Variants in STAT1 observed in about 807,000 individuals in gnomAD.
The protein encoded by STAT1 is signal transducer and activator of transcription 1-alpha/beta.
A neutral mutation model predicts 111.7 loss-of-function variants in STAT1; 24 were observed. The ratio of observed to expected loss-of-function variants is 0.21; its 90% CI spans 0.16 to 0.30. STAT1 has a LOEUF of 0.30. Among genes scored for constraint, STAT1 ranks in the 10% least tolerant of loss-of-function variants. STAT1 has a pLI of 1.00. For missense variants in STAT1, 351 were observed against 911.9 expected (o/e 0.38, Z 7.92); for synonymous variants, 332 against 326.5 (o/e 1.02, Z -0.18).
chr2:190,993,560 C>A lies in STAT1; in HGVS notation c.944+1501G>T. ...ATAAATAATCAATTTGGGATTCATG[C>A]TGGACATGTCACTGTAGCTGCCACC... On this transcript the variant is annotated intron_variant, in intron 10 of 24. Coordinates refer to ENST00000361099, the MANE Select transcript of STAT1 (RefSeq NM_007315.4). The surrounding 1 kb of genome is among the most constrained non-coding windows in gnomAD (Gnocchi z 4.1). 1.6e-6 allele frequency: 1 copy of A among 635,268 alleles called. No homozygotes were observed. The allele number at this position is 635,268 out of a possible 1,614,324, so 39.4% of individuals were successfully genotyped here. A position where few individuals can be genotyped will look rare whatever the true frequency, so the allele number is the denominator to read the frequency against.
At chr2:191,009,171 CA>C in intron 3 of STAT1, 64 bp from the exon 4 acceptor site, 2 of 1,558,710 alleles carry the variant, frequency 1.3e-6, no homozygotes, top group Non-Finnish European at 1.8e-6. Flanking sequence ...ACAGACAAAA[CA>C]AATGTTGGTT....
rs1028708006 is a variant in STAT1 at position 190,982,122 on chromosome 2, A to T, written c.1582+261T>A. 6.6e-6 allele frequency among the ~76,000 whole-genome samples: 1 copy of T among 152,258 alleles called. No homozygotes were observed. The highest frequency in any genetic ancestry group is 1.5e-5 in the Non-Finnish European group (1 of 68,050). The stretch of plus-strand genomic sequence containing the variant: ...AAATAATATATTTTACATAATTCAT[A>T]AAACTTTCCCTTGGGAATTCATCTC... On this transcript the variant is annotated intron_variant, in intron 18 of 24. Coordinates refer to ENST00000361099, the MANE Select transcript of STAT1 (RefSeq NM_007315.4). This position sits in a 1 kb window ranked among gnomAD's most constrained non-coding sequence, Gnocchi z 7.3.
rs1410883950 is a variant in STAT1, at chr2:190,987,086, A to G, written c.1098-18T>C. 1.3e-6 allele frequency: 2 copies of G among 1,571,100 alleles called. No homozygotes were observed. Among genetic ancestry groups the G allele is most frequent in the South Asian group, 1.1e-5 (1 of 90,104 alleles). On this transcript the variant is annotated intron_variant, in intron 12 of 24. Coordinates refer to ENST00000361099, the MANE Select transcript of STAT1 (RefSeq NM_007315.4). This position sits in a 1 kb window ranked among gnomAD's most constrained non-coding sequence, Gnocchi z 4.0. ...TCACATCTCTGCAAAAAAAATATAT[A>G]TAATCACATATGCGTATTTAAAATT...
Position 190,983,960 on chromosome 2 carries a change from ATAAT to A in STAT1, c.1348-224_1348-221del, listed in dbSNP as rs1257780862. Among the ~76,000 whole-genome samples the A allele has an allele frequency of 3.3e-5, 5 of 152,228 alleles. No homozygotes were observed. Among genetic ancestry groups the A allele is most frequent in the Non-Finnish European group, 4.4e-5 (3 of 68,040 alleles). On this transcript the variant is annotated intron_variant, in intron 16 of 24. Coordinates refer to ENST00000361099, the MANE Select transcript of STAT1 (RefSeq NM_007315.4). This position sits in a 1 kb window ranked among gnomAD's most constrained non-coding sequence, Gnocchi z 5.7. ...GTCCCTAAAAATAATAATAGCTACAATAATTAATTAAGGGATATGCAATATGAGA... is the reference window on the plus strand; with the variant it reads ...GTCCCTAAAAATAATAATAGCTACAATAATTAAGGGATATGCAATATGAGA...
At position 190,996,308 on chromosome 2, in the gene STAT1, T is replaced by A. The variant is rs45476092; in HGVS notation, c.786-1089A>T. On this transcript the variant is annotated intron_variant, in intron 9 of 24. Transcript: ENST00000361099. The surrounding 1 kb of genome is among the most constrained non-coding windows in gnomAD (Gnocchi z 4.5). ...AACCTTTTAAAAGTGTCTTCTTCCC[T>A]GGGAAAAGTATCTACTTCACTTTCT... 3.7e-4 allele frequency among the ~76,000 whole-genome samples: 56 copies of A among 152,206 alleles called. 1 individual carries two copies. The highest frequency in any genetic ancestry group is 7.9e-4 in the Non-Finnish European group (54 of 68,028).
At position 190,993,638 on chromosome 2, in the gene STAT1, C is replaced by G. The variant is rs770905993; in HGVS notation, c.944+1423G>C. 1 of 553,658 alleles carries G rather than the reference C, an allele frequency of 1.8e-6. No individual in the cohort carries two copies. The highest frequency in any genetic ancestry group is 1.9e-5 in the African/African-American group (1 of 52,954). The allele number at this position is 553,658 out of a possible 1,614,324, so 34.3% of individuals were successfully genotyped here. A position where few individuals can be genotyped will look rare whatever the true frequency, so the allele number is the denominator to read the frequency against. On this transcript the variant is annotated intron_variant, in intron 10 of 24. Transcript: ENST00000361099. The surrounding 1 kb of genome is among the most constrained non-coding windows in gnomAD (Gnocchi z 4.1). ...GCTGCTGCCCTGACTCTCTGCACCA[C>G]GGGTAACTGAAGGAAAGGAATGAGA...
rs1691879854 is a variant in STAT1, at chr2:190,975,996, C to A, written c.2060-109G>T. 2 of 990,828 alleles carry A rather than the reference C, an allele frequency of 2.0e-6. No individual in the cohort carries two copies. Among genetic ancestry groups the A allele is most frequent in the Admixed American group, 4.0e-5 (2 of 50,540 alleles). 61.4% of individuals were successfully genotyped at this position (990,828 alleles called of 1,614,324 possible). On this transcript the variant is annotated intron_variant, in intron 22 of 24. Coordinates refer to ENST00000361099, the MANE Select transcript of STAT1 (RefSeq NM_007315.4). This position sits in a 1 kb window ranked among gnomAD's most constrained non-coding sequence, Gnocchi z 5.9. ...TCTACTGTGTTTCTAGACAGCTTAG[C>A]CTCCTAAAACTTTAAGGAGCTATAA...
In STAT1 at chr2:190,970,333, A is replaced by G. The variant is rs1691357627; in HGVS notation, c.*370T>C. 3.2e-6 allele frequency: 1 copy of G among 307,882 alleles called. No individual in the cohort carries two copies. Among genetic ancestry groups the G allele is most frequent in the Non-Finnish European group, 6.3e-6 (1 of 158,752 alleles). The allele number at this position is 307,882 out of a possible 1,614,324, so 19.1% of individuals were successfully genotyped here. ...TCCCTAAATAACCACTGATTTATCC[A>G]ACAACCTATAACAGTTGGGCACTGA... is the stretch of plus-strand genomic sequence containing the variant. On this transcript the variant is annotated 3_prime_UTR_variant, in exon 25 of 25. Coordinates refer to ENST00000361099, the MANE Select transcript of STAT1 (RefSeq NM_007315.4). This position sits in a 1 kb window ranked among gnomAD's most constrained non-coding sequence, Gnocchi z 5.4.
At position 190,973,722 on chromosome 2, in the gene STAT1, C is replaced by T. The variant is rs974110042; in HGVS notation, c.2238+1108G>A. Among the ~76,000 whole-genome samples the T allele has an allele frequency of 2.0e-5, 3 of 152,142 alleles. No homozygotes were observed. Among genetic ancestry groups the T allele is most frequent in the Middle Eastern group, 3.2e-3 (1 of 316 alleles). On this transcript the variant is annotated intron_variant, in intron 24 of 24. Transcript: ENST00000361099. This position sits in a 1 kb window ranked among gnomAD's most constrained non-coding sequence, Gnocchi z 4.4. ...CTTGCCAATAGGAATGAAACTATTT[C>T]GCTGCCACAATAGCTAACTGTTTTT...
rs1694410328 is a variant in STAT1, at chr2:191,003,202, T to C, written c.373-2039A>G. Among the ~76,000 whole-genome samples, 1 of 152,236 alleles carries C rather than the reference T, an allele frequency of 6.6e-6. No individual in the cohort carries two copies. The highest frequency in any genetic ancestry group is 2.1e-4 in the South Asian group (1 of 4,830). On this transcript the variant is annotated intron_variant, in intron 5 of 24. Coordinates refer to ENST00000361099, the MANE Select transcript of STAT1 (RefSeq NM_007315.4). This position sits in a 1 kb window ranked among gnomAD's most constrained non-coding sequence, Gnocchi z 4.0. ...GCAGAAGTTCAAAGCATGTGAATTG[T>C]ATCAGCTGTAAAGTGTGTATTAGAA... is the stretch of plus-strand genomic sequence containing the variant.
intron 10 of STAT1, 149 bp from the exon 11 acceptor site, chr2:190,991,469 A>C: frequency 1.3e-6 from 1 of 758,322 alleles, no homozygotes; most frequent in Non-Finnish European, 2.3e-6. Context: ...GAACAAAGTG[A>C]TATTTTCTAA....
chr2:190,992,625 G>C, intron 10 of STAT1: 2 of 1,105,010 alleles, frequency 1.8e-6, no homozygotes, highest in Non-Finnish European at 2.3e-6. Flanking sequence ...GTGAGAAAAG[G>C]ATGGAGGCAA....
At position 191,003,340 on chromosome 2, in the gene STAT1, A is replaced by G. The variant is rs954947036; in HGVS notation, c.373-2177T>C. Among the ~76,000 whole-genome samples, 1 of 152,212 alleles carries G rather than the reference A, an allele frequency of 6.6e-6. No individual in the cohort carries two copies. The highest frequency in any genetic ancestry group is 1.9e-4 in the East Asian group (1 of 5,200). On this transcript the variant is annotated intron_variant, in intron 5 of 24. Transcript: ENST00000361099. This position sits in a 1 kb window ranked among gnomAD's most constrained non-coding sequence, Gnocchi z 4.0. The stretch of plus-strand genomic sequence containing the variant: ...AAGTTGTCACTTTGAGGAGTTCCAT[A>G]CAGCTTTCTGCCTGTGCAGGGAAAT...
At position 191,000,286 on chromosome 2, in the gene STAT1, A is replaced by T. The variant is rs1307947608; in HGVS notation, c.463-582T>A. On this transcript the variant is annotated intron_variant, in intron 6 of 24. Transcript: ENST00000361099. The surrounding 1 kb of genome is among the most constrained non-coding windows in gnomAD (Gnocchi z 4.8). ...TATTCTTCTCTGGATTTCCATGGCT[A>T]TTTCTGGACTGGGCTCACTCGGTTT... 2.6e-5 allele frequency among the ~76,000 whole-genome samples: 4 copies of T among 152,140 alleles called. No homozygotes were observed. The highest frequency in any genetic ancestry group is 9.7e-5 in the African/African-American group (4 of 41,414).
Position 191,003,363 on chromosome 2 carries a change from A to C in STAT1, c.373-2200T>G, listed in dbSNP as rs565963329. On this transcript the variant is annotated intron_variant, in intron 5 of 24. Transcript: ENST00000361099. The surrounding 1 kb of genome is among the most constrained non-coding windows in gnomAD (Gnocchi z 4.0). ...ATACAGCTTTCTGCCTGTGCAGGGA[A>C]ATCTTTGCTGTTGTCTAATTCTGAC... Among the ~76,000 whole-genome samples the C allele has an allele frequency of 2.0e-5, 3 of 152,214 alleles. No homozygotes were observed. The highest frequency in any genetic ancestry group is 4.4e-5 in the Non-Finnish European group (3 of 68,036).
Position 190,974,722 on chromosome 2 carries a change from G to T in STAT1, c.2238+108C>A. On this transcript the variant is annotated intron_variant, in intron 24 of 24. Coordinates refer to ENST00000361099, the MANE Select transcript of STAT1 (RefSeq NM_007315.4). This position sits in a 1 kb window ranked among gnomAD's most constrained non-coding sequence, Gnocchi z 4.8. ...TGAGCACTGCACTCTCCTTGGCTCCGCCAGGGCTCCCTCCCGCAGACAGGC... is the reference window on the plus strand; with the variant it reads ...TGAGCACTGCACTCTCCTTGGCTCCTCCAGGGCTCCCTCCCGCAGACAGGC... 2.0e-6 allele frequency: 2 copies of T among 1,005,212 alleles called. No homozygotes were observed. The highest frequency in any genetic ancestry group is 1.6e-6 in the Non-Finnish European group (1 of 639,610). The allele number at this position is 1,005,212 out of a possible 1,614,324, so 62.3% of individuals were successfully genotyped here.
In STAT1 at chr2:190,970,608, C is replaced by T; in HGVS notation, c.*95G>A. On this transcript the variant is annotated 3_prime_UTR_variant, in exon 25 of 25. Transcript: ENST00000361099. This position sits in a 1 kb window ranked among gnomAD's most constrained non-coding sequence, Gnocchi z 5.4. ...AATTTGCTGGCCTTTCTTTCATTTCCCTAGAAACACAGGATGTGAAGGAAC... is the reference window on the plus strand; with the variant it reads ...AATTTGCTGGCCTTTCTTTCATTTCTCTAGAAACACAGGATGTGAAGGAAC... The T allele has an allele frequency of 7.0e-7, 1 of 1,431,016 alleles. No homozygotes were observed. Among genetic ancestry groups the T allele is most frequent in the Non-Finnish European group, 9.8e-7 (1 of 1,016,148 alleles). The allele number at this position is 1,431,016 out of a possible 1,614,324, so 88.6% of individuals were successfully genotyped here.
chr2:190,982,436 G>A lies in STAT1; in HGVS notation c.1529C>T (p.Thr510Ile). ...CTGGTCCACATTGAGACCTCTTTTG[G>A]TGACAGAAGAAAACTGCCAACTCAG... ...EVLSWQFSSV[T>I]KRGLNVDQLN... The change falls in exon 18 of 25, where the codon ACC becomes ATC. Residue 510 changes from threonine (T) to isoleucine (I), a missense_variant. By Grantham distance (89) the Thr-to-Ile change is moderately conservative (BLOSUM62 -1). Around this residue, in one of 7 missense-constraint regions of STAT1, gnomAD observed 181 missense variants for 426.1 expected, o/e 0.42. Coordinates refer to ENST00000361099, the MANE Select transcript of STAT1 (RefSeq NM_007315.4). This position sits in a 1 kb window ranked among gnomAD's most constrained non-coding sequence, Gnocchi z 7.3. 6.2e-7 allele frequency: 1 copy of A among 1,614,176 alleles called. No individual in the cohort carries two copies. Among genetic ancestry groups the A allele is most frequent in the South Asian group, 1.1e-5 (1 of 91,084 alleles).
rs778850026 is a variant in STAT1 at position 190,984,953 on chromosome 2, C to T, written c.1264-560G>A. On this transcript the variant is annotated intron_variant, in intron 15 of 24. Coordinates refer to ENST00000361099, the MANE Select transcript of STAT1 (RefSeq NM_007315.4). The surrounding 1 kb of genome is among the most constrained non-coding windows in gnomAD (Gnocchi z 5.2). ...CAGGGAGGTCAAAACATAGTTCAGG[C>T]GCACACCAGGGCTAGAAGGCATCTT... 1.1e-4 allele frequency among the ~76,000 whole-genome samples: 17 copies of T among 152,194 alleles called. No homozygotes were observed. Among genetic ancestry groups the T allele is most frequent in the Middle Eastern group, 3.2e-3 (1 of 316 alleles).
Sources: gnomAD v4.1 joint callset for allele counts (sites outside exome capture counted in the v4.1 genomes callset) on GRCh38, gnomAD v4.1.1 for gene constraint, gnomAD v4.1.1 regional missense constraint, Gnocchi (gnomAD v3.1) non-coding constraint, MANE v1.5 for transcripts, NCBI Gene and HGNC (gene_info 2026-07-23, HGNC 2026-07-21) for gene names.